The following SETX variants were observed in gnomAD, a reference collection of about 807,000 sequenced individuals.
SETX encodes helicase senataxin.
Under a neutral mutation model 227.2 loss-of-function variants are expected in SETX, and 90 were observed. The observed-to-expected ratio is 0.40, with a 90% CI of 0.33 to 0.47. The LOEUF is 0.47. Among genes scored for constraint, SETX ranks in the 20% least tolerant of loss-of-function variants. The probability of loss-of-function intolerance (pLI) is 0.91; values close to 1 mark genes in which losing one functional copy is unlikely to be tolerated. For missense variants in SETX, 3,052 were observed against 3,181.5 expected, an observed-to-expected ratio of 0.96 and a Z score of 0.98; for synonymous variants, 1,210 against 1,113.2, an observed-to-expected ratio of 1.09 and a Z score of -1.73.
chr9:132,279,327 T>A (rs562596197), intron 20 of SETX, among the ~76,000 whole-genome samples: 1 of 152,244 alleles, frequency 6.6e-6, no homozygotes, highest in Non-Finnish European at 1.5e-5. Context: ...GACGAGTTAA[T>A]GGGTGCAGCA....
chr9:132,335,213 AC>A (rs1206334130), intron 6 of SETX, among the ~76,000 whole-genome samples: 6 of 151,288 alleles, frequency 4.0e-5, no homozygotes, highest in Admixed American at 1.3e-4. Flanking sequence ...ACATGGTGAA[AC>A]CCCGTCTCTA....
In SETX at chr9:132,297,108, G is replaced by T. The variant is rs554385552; in HGVS notation, c.5782-54C>A. ...AGTTGCTGTTTCTGTAGTGGAATTT[G>T]AAAGGAAGAACATGAAAAAGACCTG... On this transcript the variant is annotated intron_variant, in intron 13 of 25. Coordinates refer to ENST00000224140, the MANE Select transcript of SETX (RefSeq NM_015046.7). 54 of 1,463,492 alleles carry T rather than the reference G, an allele frequency of 3.7e-5. No homozygotes were observed. The South Asian group carries it at 6.2e-4, about 17-fold the overall frequency. 90.7% of individuals were successfully genotyped at this position (1,463,492 alleles called of 1,614,324 possible). A position where few individuals can be genotyped will look rare whatever the true frequency, so the allele number is the denominator to read the frequency against.
chr9:132,280,177 C>T (rs886880871), intron 20 of SETX, among the ~76,000 whole-genome samples: 12 of 152,120 alleles, frequency 7.9e-5, no homozygotes, highest in Admixed American at 4.6e-4. Flanking sequence ...CTGTAATTAC[C>T]ACTAGAAACA....
At chr9:132,308,328 A>G (rs554542198) in intron 11 of SETX, among the ~76,000 whole-genome samples, 104 of 152,332 alleles carry the variant, frequency 6.8e-4, no homozygotes, top group African/African-American at 2.4e-3. Context: ...ATATACAGGA[A>G]ACACACAGAG....
chr9:132,305,127 G>A (rs1845250220), intron 11 of SETX, among the ~76,000 whole-genome samples: 1 of 151,912 alleles, frequency 6.6e-6, no homozygotes, highest in Admixed American at 6.6e-5. Flanking sequence ...GGCCGAGGCG[G>A]GCGGATCACG....
In SETX at chr9:132,271,704, A is replaced by G; in HGVS notation, c.7199+6T>C. The G allele has an allele frequency of 1.9e-6, 3 of 1,607,308 alleles. No homozygotes were observed. The highest frequency in any genetic ancestry group is 2.6e-6 in the Non-Finnish European group (3 of 1,173,812). ...GTATAAAAGAGCAACAATGACAGTA[A>G]CTCACCCAATTGAACCTTGGATGCT... On this transcript the variant is annotated splice_donor_region_variant and intron_variant, in intron 24 of 25. Transcript: ENST00000224140.
At position 132,283,252 on chromosome 9, in the gene SETX, C is replaced by T. The variant is rs1843644364; in HGVS notation, c.6546+12G>A. On this transcript the variant is annotated intron_variant, in intron 19 of 25. Transcript: ENST00000224140. ...GTAGTAGTCAAAGTTGTATGGCTGA[C>T]CGTTCACTGACCTCATCAACAATGA... 1 of 1,613,944 alleles carries T rather than the reference C, an allele frequency of 6.2e-7. No homozygotes were observed. The highest frequency in any genetic ancestry group is 1.1e-5 in the South Asian group (1 of 91,082).
chr9:132,316,662 C>T (rs1465528716), intron 10 of SETX, among the ~76,000 whole-genome samples: 3 of 152,242 alleles, frequency 2.0e-5, no homozygotes, highest in Non-Finnish European at 4.4e-5. Flanking sequence ...TTTCCTCTAA[C>T]GATCCATCCT....
intron 2 of SETX, among the ~76,000 whole-genome samples, chr9:132,351,989 C>T (rs1378907502): frequency 6.6e-6 from 1 of 152,206 alleles, no homozygotes; most frequent in Admixed American, 6.5e-5. Flanking sequence ...TTTCTACAGA[C>T]TTATCCTTAG....
chr9:132,271,574 G>A (rs1842904628), intron 24 of SETX, 136 bp downstream of exon 24: 3 of 775,168 alleles, frequency 3.9e-6, no homozygotes, highest in Non-Finnish European at 4.6e-6. Context: ...AACTTTCATA[G>A]TATTACACAG....
intron 6 of SETX, among the ~76,000 whole-genome samples, chr9:132,335,111 C>T (rs984070632): frequency 2.0e-5 from 3 of 152,022 alleles, no homozygotes; most frequent in Admixed American, 6.6e-5. Context: ...TATTTTGAGG[C>T]CGGGCGTGGT....
rs747358966 is a variant in SETX at position 132,271,820 on chromosome 9, A to G, written c.7101-12T>C. On this transcript the variant is annotated splice_polypyrimidine_tract_variant and intron_variant, in intron 23 of 25. Transcript: ENST00000224140. ...CTACTTCTGCTGGTCTATTTACAAA[A>G]GAGAAACATATTTACTGGAAAAAGG... The G allele has an allele frequency of 6.3e-7, 1 of 1,599,096 alleles. No individual in the cohort carries two copies. The highest frequency in any genetic ancestry group is 8.6e-7 in the Non-Finnish European group (1 of 1,166,390).
intron 22 of SETX, among the ~76,000 whole-genome samples, 166 bp from the exon 23 acceptor site, chr9:132,275,586 T>C (rs1843121915): frequency 2.0e-5 from 3 of 152,200 alleles, no homozygotes; most frequent in African/African-American, 2.4e-5. Flanking sequence ...ACAATGACCA[T>C]TAATATGGTA....
At chr9:132,305,411 A>T (rs923765208) in intron 11 of SETX, among the ~76,000 whole-genome samples, 2 of 151,774 alleles carry the variant, frequency 1.3e-5, no homozygotes, top group Admixed American at 6.6e-5. Context: ...AAAAAATTTA[A>T]AAAAAATTTT....
At chr9:132,281,769 T>A (rs938806195) in intron 19 of SETX, among the ~76,000 whole-genome samples, 195 bp from the exon 20 acceptor site, 1 of 152,118 alleles carries the variant, frequency 6.6e-6, no homozygotes, top group African/African-American at 2.4e-5. Context: ...CTGTGTGCAG[T>A]GGCTAACACA....
chr9:132,266,773 A>G (rs1842672919), intron 25 of SETX, among the ~76,000 whole-genome samples: 1 of 151,706 alleles, frequency 6.6e-6, no homozygotes, highest in Admixed American at 6.6e-5. Flanking sequence ...CTCTGTCTCA[A>G]AAAAAAACCC....
chr9:132,349,385 A>G lies in SETX; in HGVS notation c.44T>C (p.Ile15Thr). The G allele has an allele frequency of 6.2e-7, 1 of 1,614,202 alleles. No homozygotes were observed. The highest frequency in any genetic ancestry group is 8.5e-7 in the Non-Finnish European group (1 of 1,180,044). ...CWCTPGGAST[I>T]DFLKRYASNT... ...GGAAGCATAGCGCTTTAGGAAGTCA[A>G]TGGTGGAAGCACCACCTGGCGTACA... The change falls in exon 3 of 26, where the codon ATT becomes ACT. Residue 15 changes from isoleucine (I) to threonine (T), a missense_variant. Physicochemically the swap from Ile to Thr is moderately conservative, Grantham distance 89. This residue lies in a region of SETX where 152 missense variants were observed against 156.2 expected (regional missense o/e 0.97). Transcript: ENST00000224140.
chr9:132,343,337 A>C (rs1848105097), intron 4 of SETX, among the ~76,000 whole-genome samples: 2 of 152,156 alleles, frequency 1.3e-5, no homozygotes, highest in South Asian at 4.1e-4. Context: ...CAACAAAAAA[A>C]AGAATGTAGC....
At chr9:132,272,476 A>T (rs1202109615) in intron 23 of SETX, among the ~76,000 whole-genome samples, 3 of 122,436 alleles carry the variant, frequency 2.5e-5, no homozygotes, top group South Asian at 3.1e-4. Context: ...AAAGAAACTT[A>T]AAAAAAAAAA....
Sources: allele counts gnomAD v4.1 joint callset (sites outside exome capture counted in the v4.1 genomes callset), GRCh38; gene constraint gnomAD v4.1.1; regional missense constraint gnomAD v4.1.1; transcripts MANE v1.5; gene names NCBI Gene and HGNC (gene_info 2026-07-23, HGNC 2026-07-21).